Variants in APOH observed in about 807,000 individuals in gnomAD.
The protein encoded by APOH is beta-2-glycoprotein 1.
APOH carries 48 observed loss-of-function variants against 39.8 expected under a neutral mutation model. That is an observed-to-expected ratio of 1.21 (90% CI 0.96 to 1.54). The LOEUF (loss-of-function observed/expected upper bound fraction) is 1.54, where lower values mean the gene tolerates loss of function less well. Among genes scored for constraint, APOH ranks in the 40% most tolerant of loss-of-function variants. The pLI is 0.00. For missense variants in APOH, 415 were observed against 421.2 expected, an observed-to-expected ratio of 0.99 and a Z score of 0.13; for synonymous variants, 153 against 151.1, an observed-to-expected ratio of 1.01 and a Z score of -0.09.
intron 3 of APOH, among the ~76,000 whole-genome samples, chr17:66,225,403 C>T (rs2073433472): frequency 6.6e-6 from 1 of 152,296 alleles, no homozygotes; most frequent in Middle Eastern, 3.4e-3. Context: ...CTGTCACACT[C>T]CCAACCTTCT....
At chr17:66,228,451 A>G (rs954942735) in intron 1 of APOH, among the ~76,000 whole-genome samples, 1 of 152,106 alleles carries the variant, frequency 6.6e-6, no homozygotes, top group Admixed American at 6.6e-5. Flanking sequence ...AGCTTTACAC[A>G]TGGCAATATT....
Position 66,224,489 on chromosome 17 carries a change from A to G in APOH, c.339-715T>C, listed in dbSNP as rs1238378875. Among the ~76,000 whole-genome samples, 35 of 88,160 alleles carry G rather than the reference A, an allele frequency of 4.0e-4. 1 individual carries two copies. Among genetic ancestry groups the G allele is most frequent in the African/African-American group, 1.0e-3 (30 of 29,496 alleles). The allele number at this position is 88,160 out of a possible 152,430, so 57.8% of individuals were successfully genotyped here. A position where few individuals can be genotyped will look rare whatever the true frequency, so the allele number is the denominator to read the frequency against. On this transcript the variant is annotated intron_variant, in intron 3 of 7. Coordinates refer to ENST00000205948, the MANE Select transcript of APOH (RefSeq NM_000042.3). ...ATCCTGTAAAAAAAAAAAAAAAAAA[A>G]AAGAAAAGAAAAGAAGGAAAGGAAG...
chr17:66,225,807 G>A (rs1481262743), intron 3 of APOH, among the ~76,000 whole-genome samples: 1 of 152,038 alleles, frequency 6.6e-6, no homozygotes, highest in African/African-American at 2.4e-5. Flanking sequence ...AACCCAGGAG[G>A]TGGAGCTTGC....
chr17:66,226,621 C>CAA (rs60139772), intron 2 of APOH, among the ~76,000 whole-genome samples: 37,764 of 133,450 alleles, frequency 0.28, 5,283 homozygotes, highest in Non-Finnish European at 0.33. Flanking sequence ...ACTCCGTCTC[C>CAA]AAAAAAAAAA....
At chr17:66,222,971 A>G (rs976182379) in intron 4 of APOH, among the ~76,000 whole-genome samples, 2 of 152,224 alleles carry the variant, frequency 1.3e-5, no homozygotes, top group African/African-American at 4.8e-5. Context: ...ATAAATCACA[A>G]GTTGGGGAAC....
Position 66,228,111 on chromosome 17 carries a change from G to A in APOH, c.150C>T (p.Ser50=), listed in dbSNP as rs1466347473. The change falls in exon 2 of 8, where the codon TCC becomes TCT. Residue 50 remains serine (S), a synonymous_variant. Coordinates refer to ENST00000205948, the MANE Select transcript of APOH (RefSeq NM_000042.3). ...FYEPGEEITY[S]CKPGYVSRGG... is the part of the protein sequence containing the mutation. ...CTCGGGACACATAGCCCGGCTTGCA[G>A]GAATACGTAATCTCTTCTCCTGGCT... is the stretch of plus-strand genomic sequence containing the variant. 1.9e-6 allele frequency: 3 copies of A among 1,614,202 alleles called. No homozygotes were observed. Among genetic ancestry groups the A allele is most frequent in the South Asian group, 1.1e-5 (1 of 91,082 alleles).
chr17:66,225,916 G>C, intron 3 of APOH, 112 bp downstream of exon 3: 1 of 616,046 alleles, frequency 1.6e-6, no homozygotes, highest in Non-Finnish European at 2.7e-6. Flanking sequence ...ATTTGCATTT[G>C]AAAGTCCAAC....
chr17:66,227,999 T>A (rs746371626), intron 2 of APOH, 21 bp downstream of exon 2: 1 of 1,599,166 alleles, frequency 6.3e-7, no homozygotes, highest in Non-Finnish European at 8.5e-7. Flanking sequence ...GAAGAGAATG[T>A]GAGAGAAGGT....
rs2073451263 is a variant in APOH, at chr17:66,228,157, A to G, written c.104T>C (p.Val35Ala). The G allele has an allele frequency of 6.2e-7, 1 of 1,614,152 alleles. No individual in the cohort carries two copies. Among genetic ancestry groups the G allele is most frequent in the Non-Finnish European group, 8.5e-7 (1 of 1,180,026 alleles). The change falls in exon 2 of 8, where the codon GTC becomes GCC. Residue 35 changes from valine (V) to alanine (A), a missense_variant. Physicochemically the swap from Val to Ala is moderately conservative, Grantham distance 64 (BLOSUM62 0). Transcript: ENST00000205948. ...TGGCTCATAGAATGTTTTTAACGGG[A>G]CCACTGTGGAAAATGGTAAATCATC... The part of the protein sequence containing the change: ...KPDDLPFSTV[V>A]PLKTFYEPGE...
At chr17:66,227,370 A>C (rs550655488) in intron 2 of APOH, among the ~76,000 whole-genome samples, 1 of 152,332 alleles carries the variant, frequency 6.6e-6, no homozygotes, top group South Asian at 2.1e-4. Context: ...CTTAACTTCT[A>C]CATATAATTA....
chr17:66,223,577 C>G, intron 4 of APOH, 121 bp downstream of exon 4: 1 of 849,940 alleles, frequency 1.2e-6, no homozygotes, highest in Non-Finnish European at 1.9e-6. Context: ...GAATATCCCC[C>G]ACAAGGGTGA....
At chr17:66,217,421 T>C (rs1354909638) in intron 5 of APOH, among the ~76,000 whole-genome samples, 1 of 144,992 alleles carries the variant, frequency 6.9e-6, no homozygotes, top group Non-Finnish European at 1.5e-5. Flanking sequence ...CAATTCAGAC[T>C]ATGGAAGAAG....
intron 3 of APOH, among the ~76,000 whole-genome samples, chr17:66,224,871 A>C (rs1246023048): frequency 6.6e-6 from 1 of 152,058 alleles, no homozygotes; most frequent in East Asian, 1.9e-4. Context: ...GTCCAAGACC[A>C]GCCTGGCCAA....
intron 2 of APOH, among the ~76,000 whole-genome samples, chr17:66,226,895 ATT>A (rs748060781): frequency 4.6e-5 from 5 of 108,012 alleles, no homozygotes; most frequent in African/African-American, 2.0e-4. Flanking sequence ...TTATTTATTT[ATT>A]TTTTTTTTTG....
chr17:66,223,472 C>T (rs982309941), intron 4 of APOH, among the ~76,000 whole-genome samples: 1 of 152,114 alleles, frequency 6.6e-6, no homozygotes, highest in East Asian at 1.9e-4. Context: ...GTAATGACCG[C>T]GAGGTGGAGA....
At chr17:66,229,189 G>T in intron 1 of APOH, 127 bp downstream of exon 1, 1 of 638,352 alleles carries the variant, frequency 1.6e-6, no homozygotes, top group Non-Finnish European at 2.7e-6. Flanking sequence ...CACCTGCCTT[G>T]GCCTCCCAAA....
chr17:66,220,632 G>C lies in APOH; in HGVS notation c.526C>G (p.Pro176Ala). ...YRDTAVFECL[P>A]QHAMFGNDTI... ...TCATTTCCAAACATCGCATGTTGTGGCAAACATTCAAAAACTGCTGTGTCC... is the reference window on the plus strand; with the variant it reads ...TCATTTCCAAACATCGCATGTTGTGCCAAACATTCAAAAACTGCTGTGTCC... The change falls in exon 5 of 8, where the codon CCA (proline) becomes GCA (alanine). Residue 176 changes from proline (P) to alanine (A), a missense_variant. Pro to Ala is a conservative substitution (Grantham distance 27). Around this residue, in one of 3 missense-constraint regions of APOH, gnomAD observed 288 missense variants for 284.9 expected, o/e 1.01. Transcript: ENST00000205948. 6.8e-6 allele frequency: 11 copies of C among 1,614,120 alleles called. No individual in the cohort carries two copies. Among genetic ancestry groups the C allele is most frequent in the Non-Finnish European group, 9.3e-6 (11 of 1,180,034 alleles).
chr17:66,219,750 C>A lies in APOH; in HGVS notation c.604+804G>T, dbSNP rs142389221. ...CCAGATGATCATGGTGAAACTCCGT[C>A]TCTACTAAAAATACAAAAATTAGCC... On this transcript the variant is annotated intron_variant, in intron 5 of 7. Coordinates refer to ENST00000205948, the MANE Select transcript of APOH (RefSeq NM_000042.3). 5.2e-3 allele frequency among the ~76,000 whole-genome samples: 791 copies of A among 152,152 alleles called. 6 individuals are homozygous for A. The highest frequency in any genetic ancestry group is 0.019 in the African/African-American group (768 of 41,508).
intron 6 of APOH, among the ~76,000 whole-genome samples, chr17:66,215,999 T>C (rs2146991655): frequency 6.6e-6 from 1 of 152,040 alleles, no homozygotes; most frequent in South Asian, 2.1e-4. Flanking sequence ...CTCACTCGAA[T>C]GTGTGGTTGG....
Sources: allele counts gnomAD v4.1 joint callset (sites outside exome capture counted in the v4.1 genomes callset), GRCh38; gene constraint gnomAD v4.1.1; regional missense constraint gnomAD v4.1.1; transcripts MANE v1.5; gene names NCBI Gene and HGNC (gene_info 2026-07-23, HGNC 2026-07-21).